Variants in ATP2B2 observed in about 807,000 individuals in gnomAD.
The protein encoded by ATP2B2 is ATPase plasma membrane Ca2+ transporting 2, also known as plasma membrane calcium-transporting ATPase 2.
A neutral mutation model predicts 120.0 loss-of-function variants in ATP2B2; 15 were observed. That is an observed-to-expected ratio of 0.12 (90% CI 0.08 to 0.19). The LOEUF (loss-of-function observed/expected upper bound fraction) is 0.19. Among genes scored for constraint, ATP2B2 ranks in the 10% least tolerant of loss-of-function variants. The pLI is 1.00. For missense variants in ATP2B2, 1,045 were observed against 1,719.8 expected, an observed-to-expected ratio of 0.61 and a Z score of 6.94; for synonymous variants, 694 against 700.3, an observed-to-expected ratio of 0.99 and a Z score of 0.14.
intron 1 of ATP2B2, among the ~76,000 whole-genome samples, chr3:10,472,038 G>A (rs931334549): frequency 5.7e-5 from 8 of 140,556 alleles, no homozygotes; most frequent in Non-Finnish European, 1.1e-4. Flanking sequence ...CCGAGATTGC[G>A]CCACTGCACT....
At chr3:10,631,632 C>T (rs1422927821) in intron 1 of ATP2B2, among the ~76,000 whole-genome samples, 1 of 152,160 alleles carries the variant, frequency 6.6e-6, no homozygotes, top group Non-Finnish European at 1.5e-5. Context: ...TATAAAGTGG[C>T]CCTCACTCCC....
At chr3:10,561,801 T>C (rs2067909435) in intron 2 of ATP2B2, among the ~76,000 whole-genome samples, 1 of 152,242 alleles carries the variant, frequency 6.6e-6, no homozygotes, top group African/African-American at 2.4e-5. Context: ...TTGTGAGGCT[T>C]CCCAGTCATG....
intron 2 of ATP2B2, among the ~76,000 whole-genome samples, chr3:10,438,758 C>T (rs977296154): frequency 4.6e-5 from 7 of 152,166 alleles, no homozygotes; most frequent in African/African-American, 1.2e-4. Context: ...CAGCTGAACT[C>T]GAGGCGTTTG....
At chr3:10,393,042 G>A (rs1355576191) in intron 5 of ATP2B2, among the ~76,000 whole-genome samples, 2 of 152,218 alleles carry the variant, frequency 1.3e-5, no homozygotes, top group African/African-American at 4.8e-5. Flanking sequence ...GACATGGTGG[G>A]GTGTCAACTC....
At chr3:10,701,345 T>C (rs1157763312) in intron 1 of ATP2B2, among the ~76,000 whole-genome samples, 1 of 152,250 alleles carries the variant, frequency 6.6e-6, no homozygotes, top group East Asian at 1.9e-4. Flanking sequence ...ATATTATGAC[T>C]GCTAGATGTT....
intron 3 of ATP2B2, among the ~76,000 whole-genome samples, chr3:10,529,147 G>C: frequency 6.6e-6 from 1 of 152,252 alleles, no homozygotes; most frequent in East Asian, 1.9e-4. Flanking sequence ...AGTGACTGAT[G>C]AGAGGGAGTA....
intron 2 of ATP2B2, among the ~76,000 whole-genome samples, chr3:10,542,938 C>CT (rs1358643248): frequency 6.6e-6 from 1 of 152,178 alleles, no homozygotes; most frequent in Non-Finnish European, 1.5e-5. Flanking sequence ...GCCCCATCCT[C>CT]TTTTTCTCAC....
At chr3:10,352,213 T>C (rs1483588313) in intron 14 of ATP2B2, among the ~76,000 whole-genome samples, 1 of 152,226 alleles carries the variant, frequency 6.6e-6, no homozygotes, top group Non-Finnish European at 1.5e-5. Flanking sequence ...TTGCCCAGCC[T>C]GCCTCTGGGC....
intron 1 of ATP2B2, among the ~76,000 whole-genome samples, chr3:10,650,366 T>C (rs1325641278): frequency 6.6e-6 from 1 of 152,142 alleles, no homozygotes; most frequent in East Asian, 1.9e-4. Context: ...AGAGAGACGA[T>C]TTAAGGTATA....
At position 10,352,538 on chromosome 3, in the gene ATP2B2, G is replaced by A. The variant is rs1490700081; in HGVS notation, c.2137-1961C>T. Reference sequence around the variant, plus strand: ...GTAGTGATCTCCCCGTTGTTGAAGGGTTAGAGCAGGGCCAGCTGACCACCA... The same window carrying A: ...GTAGTGATCTCCCCGTTGTTGAAGGATTAGAGCAGGGCCAGCTGACCACCA... On this transcript the variant is annotated intron_variant, in intron 14 of 22. Coordinates refer to ENST00000360273, the MANE Select transcript of ATP2B2 (RefSeq NM_001001331.4). Among the ~76,000 whole-genome samples the A allele has an allele frequency of 2.0e-5, 3 of 152,342 alleles. No individual in the cohort carries two copies. The East Asian group carries it at 5.8e-4, about 29-fold the overall frequency.
intron 2 of ATP2B2, among the ~76,000 whole-genome samples, chr3:10,553,443 T>C (rs979686299): frequency 3.3e-5 from 5 of 152,148 alleles, no homozygotes; most frequent in African/African-American, 1.2e-4. Flanking sequence ...GGGCTGGAAG[T>C]GGCCTTTTAG....
chr3:10,453,661 G>C (rs532721596), intron 1 of ATP2B2, among the ~76,000 whole-genome samples: 1 of 152,310 alleles, frequency 6.6e-6, no homozygotes, highest in South Asian at 2.1e-4. Flanking sequence ...TTCTATCTGT[G>C]CCTGTGCTAC....
intron 1 of ATP2B2, among the ~76,000 whole-genome samples, chr3:10,696,874 C>T (rs942932027): frequency 2.6e-5 from 4 of 152,190 alleles, no homozygotes; most frequent in Admixed American, 6.5e-5. Flanking sequence ...ACCAAGGAGT[C>T]GCCATTAGGT....
At chr3:10,437,283 A>G (rs909928934) in intron 2 of ATP2B2, among the ~76,000 whole-genome samples, 5 of 152,108 alleles carry the variant, frequency 3.3e-5, no homozygotes, top group African/African-American at 4.8e-5. Flanking sequence ...TAATAATAAT[A>G]ATGATGATGG....
intron 2 of ATP2B2, among the ~76,000 whole-genome samples, chr3:10,598,145 G>A (rs2068816409): frequency 6.6e-6 from 1 of 152,188 alleles, no homozygotes; most frequent in Admixed American, 6.5e-5. Context: ...TTCTCTGAGA[G>A]GTATTCCAGA....
Position 10,343,683 on chromosome 3 carries a change from GC to G in ATP2B2, c.2704-719del, listed in dbSNP as rs2060349737. On this transcript the variant is annotated intron_variant, in intron 18 of 22. Transcript: ENST00000360273. The surrounding 1 kb of genome is among the most constrained non-coding windows in gnomAD (Gnocchi z 4.2). ...TCTTGTCCACAGCAGCCAGACTTTG[GC>G]CCCTCCACGTTCCCAGAATGCCCTC... Among the ~76,000 whole-genome samples, 1 of 151,778 alleles carries G rather than the reference GC, an allele frequency of 6.6e-6. No homozygotes were observed. Among genetic ancestry groups the G allele is most frequent in the Non-Finnish European group, 1.5e-5 (1 of 67,972 alleles).
At chr3:10,403,986 C>T (rs62238385) in intron 3 of ATP2B2, among the ~76,000 whole-genome samples, 1 of 152,110 alleles carries the variant, frequency 6.6e-6, no homozygotes, top group African/African-American at 2.4e-5. Context: ...TTCAAGAGAC[C>T]CCAGTGGAAG....
chr3:10,445,842 C>A (rs1302027979), intron 2 of ATP2B2, among the ~76,000 whole-genome samples: 1 of 152,180 alleles, frequency 6.6e-6, no homozygotes, highest in Non-Finnish European at 1.5e-5. Context: ...GGAGCTGGCA[C>A]AGCCCAGACC....
chr3:10,565,390 G>A (rs188590576), intron 2 of ATP2B2, among the ~76,000 whole-genome samples: 9 of 152,168 alleles, frequency 5.9e-5, no homozygotes, highest in Admixed American at 3.9e-4. Flanking sequence ...CATCTCTCGC[G>A]TGGGCTTAGT....
Sources: allele counts gnomAD v4.1 joint callset (sites outside exome capture counted in the v4.1 genomes callset), GRCh38; gene constraint gnomAD v4.1.1; non-coding constraint Gnocchi (gnomAD v3.1); transcripts MANE v1.5; gene names NCBI Gene and HGNC (gene_info 2026-07-23, HGNC 2026-07-21).